Variants in SHISA9 observed in about 807,000 individuals in gnomAD.
The protein encoded by SHISA9 is shisa family member 9, also known as protein shisa-9.
In SHISA9, 13 loss-of-function variants were observed where a neutral mutation model predicts 38.0. The observed-to-expected ratio is 0.34, with a 90% CI of 0.22 to 0.54. The LOEUF (loss-of-function observed/expected upper bound fraction) is 0.54. Ranked by LOEUF, SHISA9 falls within the 20% of genes least tolerant of loss-of-function variation. The probability of loss-of-function intolerance (pLI) is 0.91; values close to 1 mark genes in which losing one functional copy is unlikely to be tolerated. For missense variants in SHISA9, 538 were observed against 575.8 expected (o/e 0.93, Z 0.67); for synonymous variants, 275 against 242.0 (o/e 1.14, Z -1.27).
the SHISA9 span, among the ~76,000 whole-genome samples, chr16:13,483,741 A>C: frequency 6.6e-6 from 1 of 152,078 alleles, no homozygotes; most frequent in African/African-American, 2.4e-5. Context: ...TTCCCTAAAA[A>C]CACAAGAGAA....
At chr16:13,134,821 A>C (rs1440583939) in intron 2 of SHISA9, among the ~76,000 whole-genome samples, 1 of 152,166 alleles carries the variant, frequency 6.6e-6, no homozygotes, top group Non-Finnish European at 1.5e-5. Flanking sequence ...CAATGTATGG[A>C]GTGCCTCTAG....
chr16:13,415,021 T>G, the SHISA9 span, among the ~76,000 whole-genome samples: 1 of 152,344 alleles, frequency 6.6e-6, no homozygotes, highest in Non-Finnish European at 1.5e-5. Context: ...TATAGCTCAC[T>G]GTTTGCCTTA....
intron 2 of SHISA9, among the ~76,000 whole-genome samples, chr16:13,116,728 G>GA (rs2074034221): frequency 6.6e-6 from 1 of 152,126 alleles, no homozygotes; most frequent in Admixed American, 6.5e-5. Context: ...TTCTCTCTCT[G>GA]AAAAATGGTG....
chr16:13,239,887 C>T lies in SHISA9; in HGVS notation c.*4478C>T, dbSNP rs1267566524. ...GCTTCCTCTTGGGAGGGTAGACAGA[C>T]CTCACAATATGGAAAGACGGGACAA... On this transcript the variant is annotated 3_prime_UTR_variant, in exon 5 of 5. Transcript: ENST00000558583. 1 of 152,158 alleles carries T rather than the reference C, an allele frequency of 6.6e-6. No homozygotes were observed. The highest frequency in any genetic ancestry group is 1.5e-5 in the Non-Finnish European group (1 of 68,046). The allele number at this position is 152,158 out of a possible 1,614,324, so 9.4% of individuals were successfully genotyped here. A position where few individuals can be genotyped will look rare whatever the true frequency, so the allele number is the denominator to read the frequency against.
intron 2 of SHISA9, among the ~76,000 whole-genome samples, chr16:13,047,789 T>G (rs989261402): frequency 6.6e-6 from 1 of 152,194 alleles, no homozygotes; most frequent in Admixed American, 6.5e-5. Context: ...TACTATTTAA[T>G]AGTAAAATTG....
At chr16:13,277,557 ATG>A in the SHISA9 span, among the ~76,000 whole-genome samples, 2 of 151,620 alleles carry the variant, frequency 1.3e-5, no homozygotes, top group African/African-American at 4.8e-5. Flanking sequence ...TGAGCATGGG[ATG>A]TGTTTCTATT....
intron 2 of SHISA9, among the ~76,000 whole-genome samples, chr16:12,925,447 ATGTGTGTGTGTG>A (rs1555500777): frequency 1.5e-5 from 1 of 66,204 alleles, no homozygotes; most frequent in Admixed American, 1.6e-4. Flanking sequence ...GTGTGTGTGT[ATGTGTGTGTGTG>A]TGTGTGTGTG....
chr16:13,213,996 T>G (rs2051144372), intron 4 of SHISA9, among the ~76,000 whole-genome samples: 1 of 152,218 alleles, frequency 6.6e-6, no homozygotes, highest in Non-Finnish European at 1.5e-5. Flanking sequence ...GGATAAGTCT[T>G]GCTGGTCTAG....
At chr16:13,450,633 A>C in the SHISA9 span, among the ~76,000 whole-genome samples, 6 of 152,378 alleles carry the variant, frequency 3.9e-5, no homozygotes, top group Admixed American at 6.5e-5. Context: ...ATTTTACAAC[A>C]GTCCTATGAA....
chr16:13,427,736 A>C, the SHISA9 span, among the ~76,000 whole-genome samples: 1 of 152,244 alleles, frequency 6.6e-6, no homozygotes, highest in South Asian at 2.1e-4. Context: ...CAAAAAGTGG[A>C]CTGGCAACAG....
At chr16:13,491,006 A>T in the SHISA9 span, among the ~76,000 whole-genome samples, 1 of 152,232 alleles carries the variant, frequency 6.6e-6, no homozygotes, top group Non-Finnish European at 1.5e-5. Context: ...GTTCAGGTTC[A>T]ACTAATTGGT....
chr16:13,059,964 T>TA (rs941072804), intron 2 of SHISA9, among the ~76,000 whole-genome samples: 2 of 152,200 alleles, frequency 1.3e-5, no homozygotes, highest in African/African-American at 4.8e-5. Context: ...TTCTGTCATT[T>TA]AAGCCATCCT....
At chr16:13,022,451 C>G (rs2072869248) in intron 2 of SHISA9, among the ~76,000 whole-genome samples, 3 of 152,126 alleles carry the variant, frequency 2.0e-5, no homozygotes, top group African/African-American at 7.2e-5. Flanking sequence ...CCTGCCTCAG[C>G]CTCCCAAGTA....
At chr16:13,368,237 A>G in the SHISA9 span, among the ~76,000 whole-genome samples, 1 of 152,100 alleles carries the variant, frequency 6.6e-6, no homozygotes, top group African/African-American at 2.4e-5. Context: ...GAATTTTTCA[A>G]CCCTTGGAGA....
intron 2 of SHISA9, among the ~76,000 whole-genome samples, chr16:12,973,664 T>C (rs1019679305): frequency 1.3e-5 from 2 of 152,214 alleles, no homozygotes; most frequent in African/African-American, 4.8e-5. Context: ...TGTAACACAT[T>C]GAACTTTTCC....
At chr16:13,284,634 G>C in the SHISA9 span, among the ~76,000 whole-genome samples, 1 of 152,122 alleles carries the variant, frequency 6.6e-6, no homozygotes, top group Non-Finnish European at 1.5e-5. Context: ...GTCTTGCTCT[G>C]TCACCCAGGC....
At chr16:13,389,101 G>C in the SHISA9 span, among the ~76,000 whole-genome samples, 2 of 152,100 alleles carry the variant, frequency 1.3e-5, no homozygotes, top group African/African-American at 4.8e-5. Flanking sequence ...CCAAGTCCAG[G>C]GTTCACTTTT....
At chr16:13,519,352 C>T in the SHISA9 span, among the ~76,000 whole-genome samples, 6 of 151,988 alleles carry the variant, frequency 3.9e-5, no homozygotes, top group Non-Finnish European at 8.8e-5. Context: ...CACCATGAAC[C>T]GTAGCAATTG....
At chr16:13,000,137 T>G (rs2141840579) in intron 2 of SHISA9, among the ~76,000 whole-genome samples, 1 of 152,032 alleles carries the variant, frequency 6.6e-6, no homozygotes, top group East Asian at 1.9e-4. Flanking sequence ...AGCATTCAAG[T>G]CAAAGGTTTG....
Sources: allele counts gnomAD v4.1 joint callset (sites outside exome capture counted in the v4.1 genomes callset), GRCh38; gene constraint gnomAD v4.1.1; transcripts MANE v1.5; gene names NCBI Gene and HGNC (gene_info 2026-07-23, HGNC 2026-07-21).